Variants in CSMD1 observed in about 807,000 individuals in gnomAD.
CSMD1 encodes CUB and sushi domain-containing protein 1.
A neutral mutation model predicts 417.5 loss-of-function variants in CSMD1; 213 were observed. The ratio of observed to expected loss-of-function variants is 0.51; its 90% CI spans 0.46 to 0.57. The LOEUF is 0.57. CSMD1 is among the 20% of genes least tolerant of loss of function. The probability of loss-of-function intolerance (pLI) is 0.00; values close to 1 mark genes in which losing one functional copy is unlikely to be tolerated. For synonymous variants in CSMD1, 2,862 were observed against 1,736.8 expected (o/e 1.65, Z -16.11); for missense variants, 6,923 against 4,529.7 (o/e 1.53, Z -15.17).
intron 5 of CSMD1, among the ~76,000 whole-genome samples, chr8:3,908,715 C>T (rs188051022): frequency 1.3e-5 from 2 of 152,132 alleles, no homozygotes; most frequent in Non-Finnish European, 2.9e-5. Flanking sequence ...AATAGCAGGC[C>T]AGAGGTCTCA....
intron 12 of CSMD1, among the ~76,000 whole-genome samples, chr8:3,466,354 T>C (rs908227480): frequency 4.6e-5 from 7 of 152,218 alleles, no homozygotes; most frequent in Admixed American, 1.3e-4. Context: ...TCAGGCAACA[T>C]CAAAACGTAG....
At chr8:4,224,368 C>T (rs1270956751) in intron 3 of CSMD1, among the ~76,000 whole-genome samples, 1 of 152,148 alleles carries the variant, frequency 6.6e-6, no homozygotes, top group Non-Finnish European at 1.5e-5. Context: ...TGTTGCGCAA[C>T]AGCACATATT....
chr8:3,151,294 A>G, intron 40 of CSMD1, 103 bp downstream of exon 40: 1 of 701,030 alleles, frequency 1.4e-6, no homozygotes, highest in Non-Finnish European at 2.5e-6. Flanking sequence ...TCAATTACAG[A>G]TACAGTTATG....
chr8:4,647,803 T>TAA (rs1803632749), intron 1 of CSMD1, among the ~76,000 whole-genome samples: 1 of 152,242 alleles, frequency 6.6e-6, no homozygotes, highest in Admixed American at 6.5e-5. Context: ...ATTTTCTTTT[T>TAA]TCCAGTCTAT....
At chr8:3,732,772 G>A (rs1251968185) in intron 6 of CSMD1, among the ~76,000 whole-genome samples, 2 of 152,148 alleles carry the variant, frequency 1.3e-5, no homozygotes, top group Non-Finnish European at 2.9e-5. Flanking sequence ...TTACTAAGCT[G>A]AAACGTCCAT....
chr8:3,142,888 C>T (rs1818591177), intron 40 of CSMD1, among the ~76,000 whole-genome samples: 3 of 152,216 alleles, frequency 2.0e-5, no homozygotes, highest in Admixed American at 2.0e-4. Context: ...TTTTCCATGA[C>T]ACTCACGTCC....
At chr8:4,981,808 G>A (rs1279712499) in intron 1 of CSMD1, among the ~76,000 whole-genome samples, 1 of 152,084 alleles carries the variant, frequency 6.6e-6, no homozygotes, top group African/African-American at 2.4e-5. Flanking sequence ...GACAGTGATA[G>A]GCTACATGTG....
intron 3 of CSMD1, among the ~76,000 whole-genome samples, chr8:4,172,503 A>C (rs1797822353): frequency 6.6e-6 from 1 of 152,014 alleles, no homozygotes; most frequent in East Asian, 1.9e-4. Context: ...AAAAAAACTG[A>C]AGGATCAACA....
rs931162709 is a variant in CSMD1, at chr8:3,451,784, G to C, written c.1561+16928C>G. Among the ~76,000 whole-genome samples the C allele has an allele frequency of 2.0e-5, 3 of 152,154 alleles. No individual in the cohort carries two copies. In the East Asian group the frequency reaches 5.8e-4, roughly 29 times the overall value. On this transcript the variant is annotated intron_variant, in intron 12 of 69. Coordinates refer to ENST00000635120, the MANE Select transcript of CSMD1 (RefSeq NM_033225.6). ...AGCTTTGTTCTTTTGGCTTAGGATT[G>C]ACTTGTCGATGCGGGCTCTTTTTTG...
chr8:3,746,881 C>A (rs1156984361), intron 6 of CSMD1, among the ~76,000 whole-genome samples: 3 of 152,146 alleles, frequency 2.0e-5, no homozygotes, highest in African/African-American at 7.2e-5. Flanking sequence ...CATCACATGG[C>A]CAGCCCAAGA....
intron 2 of CSMD1, among the ~76,000 whole-genome samples, chr8:4,585,098 GA>G (rs148008422): frequency 0.3 from 42,025 of 138,832 alleles, 6,442 homozygotes; most frequent in African/African-American, 0.43. Context: ...CAAAAACTGA[GA>G]AAAAAAAAAA....
intron 3 of CSMD1, among the ~76,000 whole-genome samples, chr8:4,069,536 C>T (rs932941919): frequency 2.0e-5 from 3 of 152,054 alleles, no homozygotes; most frequent in Admixed American, 6.5e-5. Flanking sequence ...TTGTTCTTAC[C>T]ACCCTCCCTC....
At chr8:3,336,556 G>C (rs1437150255) in intron 23 of CSMD1, among the ~76,000 whole-genome samples, 2 of 152,322 alleles carry the variant, frequency 1.3e-5, no homozygotes, top group East Asian at 1.9e-4. Flanking sequence ...GGATTGAACA[G>C]AGTAAGGAAC....
chr8:3,646,792 C>A (rs752744512), intron 7 of CSMD1, among the ~76,000 whole-genome samples: 1 of 152,138 alleles, frequency 6.6e-6, no homozygotes, highest in Non-Finnish European at 1.5e-5. Context: ...CGTCCTTCCT[C>A]ATTGTTCCAG....
intron 20 of CSMD1, among the ~76,000 whole-genome samples, chr8:3,365,549 TG>T (rs1168478273): frequency 2.0e-5 from 3 of 152,248 alleles, no homozygotes; most frequent in African/African-American, 7.2e-5. Flanking sequence ...GACAATTTTT[TG>T]GAGATTTGCT....
intron 3 of CSMD1, among the ~76,000 whole-genome samples, chr8:4,267,658 G>C (rs965369724): frequency 3.3e-5 from 5 of 151,998 alleles, no homozygotes; most frequent in South Asian, 4.2e-4. Context: ...TGCATACTTC[G>C]TGTTTAGGCT....
chr8:3,288,310 G>A (rs1426069345), intron 25 of CSMD1, among the ~76,000 whole-genome samples: 1 of 146,916 alleles, frequency 6.8e-6, no homozygotes, highest in Non-Finnish European at 1.5e-5. Flanking sequence ...GGATGATGTT[G>A]GCCTCATAAA....
intron 2 of CSMD1, among the ~76,000 whole-genome samples, chr8:4,438,398 T>G (rs1798268279): frequency 6.6e-6 from 1 of 152,094 alleles, no homozygotes; most frequent in South Asian, 2.1e-4. Flanking sequence ...ATAAATACAG[T>G]TGAAGTTGGT....
chr8:4,589,598 T>C (rs1799885635), intron 2 of CSMD1, among the ~76,000 whole-genome samples: 1 of 152,210 alleles, frequency 6.6e-6, no homozygotes, highest in South Asian at 2.1e-4. Context: ...TATTAATTGC[T>C]AACTCATTAC....
Sources: gnomAD v4.1 joint callset for allele counts (sites outside exome capture counted in the v4.1 genomes callset) on GRCh38, gnomAD v4.1.1 for gene constraint, MANE v1.5 for transcripts, NCBI Gene and HGNC (gene_info 2026-07-23, HGNC 2026-07-21) for gene names.